SDC2: variants seen among roughly 807,000 people sequenced by gnomAD.
The protein encoded by SDC2 is syndecan 2.
Under a neutral mutation model 22.2 loss-of-function variants are expected in SDC2, and 13 were observed. That is an observed-to-expected ratio of 0.59 (90% CI 0.38 to 0.93). The LOEUF is 0.93. Ranked by LOEUF, SDC2 falls within the 40% of genes least tolerant of loss-of-function variation. The pLI is 0.00. For synonymous variants in SDC2, 94 were observed against 92.8 expected, an observed-to-expected ratio of 1.01 and a Z score of -0.07; for missense variants, 235 against 246.8, an observed-to-expected ratio of 0.95 and a Z score of 0.32.
chr8:96,574,242 C>A (rs1814450152), intron 1 of SDC2, among the ~76,000 whole-genome samples: 1 of 152,170 alleles, frequency 6.6e-6, no homozygotes, highest in African/African-American at 2.4e-5. Flanking sequence ...TGGACACAGA[C>A]TAGATCTTCA....
intron 1 of SDC2, among the ~76,000 whole-genome samples, chr8:96,506,971 C>T (rs960130409): frequency 6.8e-6 from 1 of 146,176 alleles, no homozygotes; most frequent in African/African-American, 2.6e-5. Flanking sequence ...ATCACGCCAC[C>T]GCACTCCAGC....
At chr8:96,556,862 T>C (rs1293695095) in intron 1 of SDC2, among the ~76,000 whole-genome samples, 161 of 151,572 alleles carry the variant, frequency 1.1e-3, no homozygotes, top group African/African-American at 3.0e-3. Context: ...AGAAAATTTT[T>C]GCAACCTACT....
chr8:96,602,562 G>A, intron 3 of SDC2, 34 bp downstream of exon 3: 2 of 1,610,356 alleles, frequency 1.2e-6, no homozygotes, highest in Non-Finnish European at 1.7e-6. Context: ...TGCATTATCA[G>A]GTTATTACAA....
At chr8:96,575,702 GT>G (rs1317188003) in intron 1 of SDC2, among the ~76,000 whole-genome samples, 1 of 148,164 alleles carries the variant, frequency 6.7e-6, no homozygotes, top group Admixed American at 6.6e-5. Flanking sequence ...AGGAGGCAAG[GT>G]TTTGTTTCCT....
At chr8:96,589,862 AGTCCAG>A (rs1454741151) in intron 1 of SDC2, among the ~76,000 whole-genome samples, 2 of 152,206 alleles carry the variant, frequency 1.3e-5, no homozygotes, top group Non-Finnish European at 2.9e-5. Flanking sequence ...AGGAGGCCTT[AGTCCAG>A]GTCCAGGCCC....
At position 96,587,413 on chromosome 8, in the gene SDC2, A is replaced by G. The variant is rs116684023; in HGVS notation, c.61-6067A>G. 3.6e-3 allele frequency among the ~76,000 whole-genome samples: 552 copies of G among 152,350 alleles called. 3 individuals carry two copies. Among genetic ancestry groups the G allele is most frequent in the African/African-American group, 0.01 (428 of 41,566 alleles). On this transcript the variant is annotated intron_variant, in intron 1 of 4. Coordinates refer to ENST00000302190, the MANE Select transcript of SDC2 (RefSeq NM_002998.4). Reference sequence around the variant, plus strand: ...ACAAACCCTTAAAGTAAGTGCTAGTAAAGACAACAGTATGTGCTTATAAGT... The same window carrying G: ...ACAAACCCTTAAAGTAAGTGCTAGTGAAGACAACAGTATGTGCTTATAAGT...
chr8:96,608,439 C>A lies in SDC2; in HGVS notation c.411C>A (p.Asp137Glu), dbSNP rs553325797. The change falls in exon 4 of 5, where the codon GAC becomes GAA. Residue 137 changes from aspartate to glutamate, a missense_variant. Coordinates refer to ENST00000302190, the MANE Select transcript of SDC2 (RefSeq NM_002998.4). ...DTNVYTEKHS[D>E]SLFKRTEVLA... ...ATGTGTATACTGAGAAACACTCAGA[C>A]AGTCTGTTTAAACGGACAGAAGTCC... 5.0e-6 allele frequency: 8 copies of A among 1,613,484 alleles called. No individual in the cohort carries two copies. Among genetic ancestry groups the A allele is most frequent in the African/African-American group, 4.0e-5 (3 of 75,040 alleles).
chr8:96,581,078 A>G (rs1459385863), intron 1 of SDC2, among the ~76,000 whole-genome samples: 1 of 152,180 alleles, frequency 6.6e-6, no homozygotes, highest in Non-Finnish European at 1.5e-5. Context: ...CCATATTTTT[A>G]GAAAATGAAA....
chr8:96,592,007 A>G (rs186391641), intron 1 of SDC2, among the ~76,000 whole-genome samples: 37 of 152,296 alleles, frequency 2.4e-4, no homozygotes, highest in Admixed American at 7.8e-4. Flanking sequence ...AACCAGTGAA[A>G]CAGGGTGGCG....
chr8:96,580,415 T>C (rs1210795174), intron 1 of SDC2: 1 of 985,214 alleles, frequency 1.0e-6, no homozygotes, highest in African/African-American at 1.7e-5. Context: ...AACCGATAGC[T>C]CCCAAGCCTC....
chr8:96,604,377 T>TA (rs1485716701), intron 3 of SDC2, among the ~76,000 whole-genome samples: 1 of 152,256 alleles, frequency 6.6e-6, no homozygotes, highest in African/African-American at 2.4e-5. Flanking sequence ...TTTATATTCT[T>TA]ACTATCATTT....
At chr8:96,505,377 C>A (rs1813223884) in intron 1 of SDC2, among the ~76,000 whole-genome samples, 1 of 152,098 alleles carries the variant, frequency 6.6e-6, no homozygotes, top group Admixed American at 6.5e-5. Context: ...GATCTCGGCT[C>A]ACTGCAGCCT....
intron 1 of SDC2, among the ~76,000 whole-genome samples, chr8:96,501,794 T>C (rs544139923): frequency 6.6e-6 from 1 of 152,282 alleles, no homozygotes; most frequent in East Asian, 1.9e-4. Flanking sequence ...TCTCTCTCCT[T>C]AATATTTACT....
chr8:96,521,857 T>C (rs1813502846), intron 1 of SDC2, among the ~76,000 whole-genome samples: 1 of 152,204 alleles, frequency 6.6e-6, no homozygotes, highest in Admixed American at 6.5e-5. Flanking sequence ...TTTTGTTTGA[T>C]ATGGGGGTAC....
chr8:96,506,402 G>A (rs2439519), intron 1 of SDC2, among the ~76,000 whole-genome samples: 45,105 of 151,604 alleles, frequency 0.3, 7,345 homozygotes, highest in African/African-American at 0.45. Context: ...ATATGTAATC[G>A]GGTAAAAAGT....
chr8:96,560,242 T>C (rs1992089), intron 1 of SDC2, among the ~76,000 whole-genome samples: 95,807 of 152,108 alleles, frequency 0.63, 33,703 homozygotes, highest in Non-Finnish European at 0.81. Context: ...TTACAAAATG[T>C]TACTCTGGAT....
chr8:96,506,587 C>G (rs891491764), intron 1 of SDC2, among the ~76,000 whole-genome samples: 7 of 152,120 alleles, frequency 4.6e-5, no homozygotes, highest in African/African-American at 1.4e-4. Flanking sequence ...AGGCATTTTA[C>G]TACCTCAGCC....
rs184987264 is a variant in SDC2, at chr8:96,535,068, A to G, written c.60+40737A>G. Among the ~76,000 whole-genome samples, 34 of 150,912 alleles carry G rather than the reference A, an allele frequency of 2.3e-4. 2 individuals are homozygous for G. Among genetic ancestry groups the G allele is most frequent in the African/African-American group, 7.8e-4 (32 of 40,794 alleles). ...GCCCAGGCTGGAGTGCAATGGTGCG[A>G]TCTTGGCTCACTGCAACCTCCGCCT... is the stretch of plus-strand genomic sequence containing the variant. On this transcript the variant is annotated intron_variant, in intron 1 of 4. Transcript: ENST00000302190.
At chr8:96,547,881 C>G (rs951781457) in intron 1 of SDC2, among the ~76,000 whole-genome samples, 1 of 152,088 alleles carries the variant, frequency 6.6e-6, no homozygotes, top group Non-Finnish European at 1.5e-5. Context: ...CCCACCTGAG[C>G]CTCCCAAGTA....
Sources: gnomAD v4.1 joint callset for allele counts (sites outside exome capture counted in the v4.1 genomes callset) on GRCh38, gnomAD v4.1.1 for gene constraint, MANE v1.5 for transcripts, NCBI Gene and HGNC (gene_info 2026-07-23, HGNC 2026-07-21) for gene names.